PGBD5: variants seen among roughly 807,000 people sequenced by gnomAD.
The protein encoded by PGBD5 is piggyBac transposable element-derived protein 5.
In PGBD5, 14 loss-of-function variants were observed where a neutral mutation model predicts 47.9. The observed-to-expected ratio is 0.29, with a 90% CI of 0.19 to 0.46. The LOEUF (loss-of-function observed/expected upper bound fraction) is 0.46. Ranked by LOEUF, PGBD5 falls within the 20% of genes least tolerant of loss-of-function variation. The probability of loss-of-function intolerance (pLI) is 1.00; values close to 1 mark genes in which losing one functional copy is unlikely to be tolerated. For synonymous variants in PGBD5, 316 were observed against 306.3 expected, an observed-to-expected ratio of 1.03 and a Z score of -0.33; for missense variants, 635 against 716.0, an observed-to-expected ratio of 0.89 and a Z score of 1.29.
chr1:230,400,097 G>A (rs1365064248), intron 1 of PGBD5, among the ~76,000 whole-genome samples: 2 of 152,140 alleles, frequency 1.3e-5, no homozygotes, highest in African/African-American at 4.8e-5. Flanking sequence ...GGCCCTCTGT[G>A]CCCCGCCTCC....
intron 5 of PGBD5, among the ~76,000 whole-genome samples, chr1:230,327,916 A>G (rs1336077891): frequency 6.6e-6 from 1 of 152,116 alleles, no homozygotes; most frequent in Non-Finnish European, 1.5e-5. Context: ...CTATGTTTTG[A>G]TTTGCCTGAC....
Position 230,337,213 on chromosome 1 carries a change from T to A in PGBD5, c.970A>T (p.Met324Leu). 2 of 1,614,214 alleles carry A rather than the reference T, an allele frequency of 1.2e-6. No homozygotes were observed. The highest frequency in any genetic ancestry group is 1.7e-6 in the Non-Finnish European group (2 of 1,180,038). ...ALKNKPQLHS[M>L]VARSLCRNAA... ...TTCCGGCACAGGCTCCTGGCCACCA[T>A]GCTGTGGAGCTGGGGCTTATTCTTC... The change falls in exon 4 of 7, where the codon ATG becomes TTG. Residue 324 changes from methionine to leucine, a missense_variant. Coordinates refer to ENST00000391860, the MANE Select transcript of PGBD5 (RefSeq NM_001258311.2).
chr1:230,408,652 T>A (rs150857836), intron 1 of PGBD5, among the ~76,000 whole-genome samples: 1 of 152,150 alleles, frequency 6.6e-6, no homozygotes, highest in Non-Finnish European at 1.5e-5. Flanking sequence ...CTGAAGCAAC[T>A]GAATATCCAC....
rs535188248 is a variant in PGBD5, at chr1:230,425,954, G to GC, written c.-27dup. ...GGCCCCGGCCGCCGCCCGCGCGCCC[G>GC]CCCCCACAGTGCCTCCCAGCCGCAC... is the stretch of plus-strand genomic sequence containing the variant. On this transcript the variant is annotated 5_prime_UTR_variant, in exon 1 of 7. Coordinates refer to ENST00000391860, the MANE Select transcript of PGBD5 (RefSeq NM_001258311.2). This position sits in a 1 kb window ranked among gnomAD's most constrained non-coding sequence, Gnocchi z 4.7. The GC allele has an allele frequency of 1, 961,038 of 961,602 alleles. 480,237 individuals are homozygous for GC. Among genetic ancestry groups the GC allele is most frequent in the African/African-American group, 1 (55,234 of 55,242 alleles). 59.6% of individuals were successfully genotyped at this position (961,602 alleles called of 1,614,324 possible).
chr1:230,368,284 C>T, intron 1 of PGBD5: 1 of 1,166,406 alleles, frequency 8.6e-7, no homozygotes, highest in Non-Finnish European at 1.1e-6. Flanking sequence ...GTTGCTGAGG[C>T]CAAGTGGCCC....
chr1:230,399,182 A>T (rs910790106), intron 1 of PGBD5, among the ~76,000 whole-genome samples: 11 of 152,034 alleles, frequency 7.2e-5, no homozygotes, highest in African/African-American at 2.2e-4. Flanking sequence ...TAAACAAGTA[A>T]TTTTTTTCAT....
At chr1:230,423,674 A>G (rs529144221) in intron 1 of PGBD5, among the ~76,000 whole-genome samples, 4 of 152,318 alleles carry the variant, frequency 2.6e-5, no homozygotes, top group South Asian at 2.1e-4. Flanking sequence ...AATTTCCCTC[A>G]GGGAGAAATT....
intron 2 of PGBD5, among the ~76,000 whole-genome samples, chr1:230,355,958 C>T (rs967952666): frequency 2.6e-5 from 4 of 152,078 alleles, no homozygotes; most frequent in African/African-American, 4.8e-5. Context: ...GGGGAAGGCA[C>T]GCTATAGAGA....
At chr1:230,377,282 A>G (rs1446813625) in intron 1 of PGBD5, among the ~76,000 whole-genome samples, 3 of 152,226 alleles carry the variant, frequency 2.0e-5, no homozygotes, top group East Asian at 3.8e-4. Flanking sequence ...TGATTCCAAC[A>G]TTGTGTGCCA....
rs1195112048 is a variant in PGBD5 at position 230,323,609 on chromosome 1, G to A, written c.1391C>T (p.Ser464Phe). Residue 464 changes from serine to phenylalanine, a missense_variant, in exon 7 of 7, where the codon TCT becomes TTT. Ser to Phe is a radical substitution (Grantham distance 155, BLOSUM62 -2). Transcript: ENST00000391860. This position sits in a 1 kb window ranked among gnomAD's most constrained non-coding sequence, Gnocchi z 4.1. The part of the protein sequence containing the change: ...YDDKYSKYFI[S>F]HKPNKTWQQV... ...CTGCCAGGTCTTGTTTGGTTTATGAGAAATGAAATACCTGAGGACAGAGGG... is the reference window on the plus strand; with the variant it reads ...CTGCCAGGTCTTGTTTGGTTTATGAAAAATGAAATACCTGAGGACAGAGGG... 4.3e-6 allele frequency: 7 copies of A among 1,613,798 alleles called. No individual in the cohort carries two copies. Among genetic ancestry groups the A allele is most frequent in the Non-Finnish European group, 5.1e-6 (6 of 1,179,830 alleles).
intron 1 of PGBD5, among the ~76,000 whole-genome samples, chr1:230,369,618 G>A (rs1480165959): frequency 3.0e-4 from 7 of 22,986 alleles, no homozygotes; most frequent in Non-Finnish European, 6.5e-4. Context: ...TGCTTACTCC[G>A]TGTCTGTGTG....
At chr1:230,331,559 G>A (rs1667215014) in intron 5 of PGBD5, among the ~76,000 whole-genome samples, 1 of 152,052 alleles carries the variant, frequency 6.6e-6, no homozygotes, top group Non-Finnish European at 1.5e-5. Context: ...CTAGCCTTCA[G>A]CTTGCAAGGC....
At chr1:230,414,366 G>A (rs1413061512) in intron 1 of PGBD5, among the ~76,000 whole-genome samples, 3 of 152,182 alleles carry the variant, frequency 2.0e-5, no homozygotes, top group Non-Finnish European at 2.9e-5. Context: ...AATGGGGGCT[G>A]CACTCTCTCA....
chr1:230,315,078 G>A lies in PGBD5; in HGVS notation c.*8347C>T, dbSNP rs1666915371. The A allele has an allele frequency of 6.6e-6, 1 of 152,076 alleles. No individual in the cohort carries two copies. Among genetic ancestry groups the A allele is most frequent in the Non-Finnish European group, 1.5e-5 (1 of 68,052 alleles). The allele number at this position is 152,076 out of a possible 1,614,324, so 9.4% of individuals were successfully genotyped here. On this transcript the variant is annotated 3_prime_UTR_variant, in exon 7 of 7. Transcript: ENST00000391860. ...TTCCTCCTAATTAAGCATCTGCCCAGGAGCCCAGGAGCCAGGGCTTAGCTT... is the reference window on the plus strand; with the variant it reads ...TTCCTCCTAATTAAGCATCTGCCCAAGAGCCCAGGAGCCAGGGCTTAGCTT...
At chr1:230,405,606 G>T (rs1309701565) in intron 1 of PGBD5, among the ~76,000 whole-genome samples, 1 of 152,178 alleles carries the variant, frequency 6.6e-6, no homozygotes, top group Non-Finnish European at 1.5e-5. Flanking sequence ...TGGGAGGTCA[G>T]CTCCCCTAAG....
chr1:230,423,226 G>A (rs1657699167), intron 1 of PGBD5, among the ~76,000 whole-genome samples: 1 of 152,096 alleles, frequency 6.6e-6, no homozygotes, highest in Admixed American at 6.6e-5. Context: ...CCAGCAGCAA[G>A]AGCAATTTGA....
chr1:230,355,600 C>T (rs1220889573), intron 2 of PGBD5, among the ~76,000 whole-genome samples: 1 of 152,196 alleles, frequency 6.6e-6, no homozygotes, highest in Non-Finnish European at 1.5e-5. Context: ...AGCTCATGTC[C>T]TCGAAAGTCT....
intron 1 of PGBD5, among the ~76,000 whole-genome samples, chr1:230,406,311 CAAAAAAA>C (rs67577027): frequency 1.1e-4 from 6 of 54,664 alleles, no homozygotes; most frequent in Admixed American, 2.2e-4. Context: ...GACTCCGTCT[CAAAAAAA>C]AAAAAAAAAA....
chr1:230,322,431 C>T lies in PGBD5; in HGVS notation c.*994G>A, dbSNP rs1309457776. On this transcript the variant is annotated 3_prime_UTR_variant, in exon 7 of 7. Coordinates refer to ENST00000391860, the MANE Select transcript of PGBD5 (RefSeq NM_001258311.2). This position sits in a 1 kb window ranked among gnomAD's most constrained non-coding sequence, Gnocchi z 5.9. ...GGAAAGACAATGAGCAAATGGCCATCGTAGAGAATTCGGTTGTGTGTTTCA... is the reference window on the plus strand; with the variant it reads ...GGAAAGACAATGAGCAAATGGCCATTGTAGAGAATTCGGTTGTGTGTTTCA... The T allele has an allele frequency of 3.3e-5, 5 of 152,368 alleles. No homozygotes were observed. 9.4% of individuals were successfully genotyped at this position (152,368 alleles called of 1,614,324 possible). A position where few individuals can be genotyped will look rare whatever the true frequency, so the allele number is the denominator to read the frequency against.
Sources: gnomAD v4.1 joint callset for allele counts (sites outside exome capture counted in the v4.1 genomes callset) on GRCh38, gnomAD v4.1.1 for gene constraint, Gnocchi (gnomAD v3.1) non-coding constraint, MANE v1.5 for transcripts, NCBI Gene and HGNC (gene_info 2026-07-23, HGNC 2026-07-21) for gene names.